The following OSCP1 variants were observed in gnomAD, a reference collection of about 807,000 sequenced individuals.
OSCP1 encodes the protein organic solute carrier partner 1, also known as protein OSCP1.
In OSCP1, 35 loss-of-function variants were observed where a neutral mutation model predicts 45.1. The observed-to-expected ratio is 0.78, with a 90% CI of 0.59 to 1.03. The LOEUF (loss-of-function observed/expected upper bound fraction) is 1.03. Among genes scored for constraint, OSCP1 ranks in the 50% least tolerant of loss-of-function variants. OSCP1 has a pLI of 0.00. For missense variants in OSCP1, 400 were observed against 470.7 expected, an observed-to-expected ratio of 0.85 and a Z score of 1.39; for synonymous variants, 179 against 180.1, an observed-to-expected ratio of 0.99 and a Z score of 0.05.
intron 4 of OSCP1, among the ~76,000 whole-genome samples, chr1:36,427,924 G>A (rs868054270): frequency 1.6e-3 from 240 of 151,930 alleles, no homozygotes; most frequent in African/African-American, 5.0e-3. Flanking sequence ...GCTGTGGCTC[G>A]CGCCTATAAT....
At chr1:36,441,229 T>C (rs545032165) in intron 1 of OSCP1, among the ~76,000 whole-genome samples, 2 of 152,272 alleles carry the variant, frequency 1.3e-5, no homozygotes, top group East Asian at 1.9e-4. Context: ...CCACGACACC[T>C]AGGGCTCCCT....
intron 2 of OSCP1, 136 bp downstream of exon 2, chr1:36,438,617 TCAA>T (rs1648914876): frequency 9.8e-7 from 1 of 1,017,322 alleles, no homozygotes; most frequent in Non-Finnish European, 1.4e-6. Flanking sequence ...ACTCTGAAAC[TCAA>T]CAACTACTAG....
intron 7 of OSCP1, among the ~76,000 whole-genome samples, chr1:36,420,873 T>C (rs1647577565): frequency 6.6e-6 from 1 of 152,104 alleles, no homozygotes; most frequent in Non-Finnish European, 1.5e-5. Context: ...GATCCACGTT[T>C]CTCCTCTCAC....
intron 1 of OSCP1, among the ~76,000 whole-genome samples, chr1:36,443,694 C>T (rs1649335550): frequency 6.6e-6 from 1 of 152,172 alleles, no homozygotes; most frequent in Admixed American, 6.5e-5. Context: ...GGATGACATA[C>T]CCCAAAGTAT....
intron 1 of OSCP1, chr1:36,444,044 C>T: frequency 1.9e-6 from 3 of 1,612,700 alleles, no homozygotes; most frequent in Non-Finnish European, 2.5e-6. Context: ...CTACATGAAG[C>T]ATACAAAAAG....
intron 3 of OSCP1, 22 bp from the exon 4 acceptor site, chr1:36,431,904 C>T (rs1648389501): frequency 5.6e-6 from 9 of 1,608,712 alleles, no homozygotes; most frequent in Non-Finnish European, 7.6e-6. Context: ...AAGCAGAAAG[C>T]AGCACTTCAC....
intron 1 of OSCP1, among the ~76,000 whole-genome samples, chr1:36,440,404 G>A (rs1451134171): frequency 6.6e-6 from 1 of 152,194 alleles, no homozygotes; most frequent in Non-Finnish European, 1.5e-5. Flanking sequence ...CACACCCCCG[G>A]TGACACAAAT....
Position 36,420,632 on chromosome 1 carries a change from A to G in OSCP1, c.820-17T>C. 1 of 1,612,526 alleles carries G rather than the reference A, an allele frequency of 6.2e-7. No individual in the cohort carries two copies. On this transcript the variant is annotated splice_polypyrimidine_tract_variant and intron_variant, in intron 7 of 9. Transcript: ENST00000235532. ...AATGCTTTCCTGCAGAAACAGTTGC[A>G]TGATTTTTAGCCACATGAAGGCAAT...
chr1:36,423,428 G>A lies in OSCP1; in HGVS notation c.555C>T (p.Asn185=), dbSNP rs369435790. 2.5e-5 allele frequency: 40 copies of A among 1,613,204 alleles called. 1 individual carries two copies. The highest frequency in any genetic ancestry group is 4.4e-5 in the South Asian group (4 of 90,898). ...CGGACACCGGCAACACAAAGCGACCGTTATTATTCTGAACTTTGTCCTTTA... is the reference window on the plus strand; with the variant it reads ...CGGACACCGGCAACACAAAGCGACCATTATTATTCTGAACTTTGTCCTTTA... ...MFLKDKVQNN[N]GRFVLPVSGP... Residue 185 remains asparagine (N), a synonymous_variant, in exon 5 of 10, where the codon AAC becomes AAT. Coordinates refer to ENST00000235532, the MANE Select transcript of OSCP1 (RefSeq NM_145047.5).
intron 2 of OSCP1, among the ~76,000 whole-genome samples, chr1:36,437,313 T>G (rs1344508468): frequency 6.6e-6 from 1 of 151,588 alleles, no homozygotes; most frequent in African/African-American, 2.4e-5. Context: ...GGTAGATATA[T>G]TCTTGAAGGA....
At position 36,432,553 on chromosome 1, in the gene OSCP1, C is replaced by T. The variant is rs781626400; in HGVS notation, c.304G>A (p.Val102Ile). Residue 102 changes from valine to isoleucine, a missense_variant, in exon 3 of 10, where the codon GTA (valine) becomes ATA (isoleucine). Val to Ile is a conservative substitution (Grantham distance 29, BLOSUM62 3). Coordinates refer to ENST00000235532, the MANE Select transcript of OSCP1 (RefSeq NM_145047.5). ...DLMTMAFKYQ[V>I]LLCPRPKDVL... Reference sequence around the variant, plus strand: ...TCCTTGGGTCGGGGACACAGCAATACTTGATATTTGAAAGCCATGGTCATC... The same window carrying T: ...TCCTTGGGTCGGGGACACAGCAATATTTGATATTTGAAAGCCATGGTCATC... 1.2e-6 allele frequency: 2 copies of T among 1,614,010 alleles called. No homozygotes were observed. The highest frequency in any genetic ancestry group is 1.7e-6 in the Non-Finnish European group (2 of 1,180,040).
At chr1:36,441,316 C>A (rs1454923210) in intron 1 of OSCP1, among the ~76,000 whole-genome samples, 1 of 152,160 alleles carries the variant, frequency 6.6e-6, no homozygotes, top group Non-Finnish European at 1.5e-5. Context: ...CTTCACCCAG[C>A]CCTTGGTTGA....
At chr1:36,444,376 C>T (rs1649378368) in intron 1 of OSCP1, among the ~76,000 whole-genome samples, 1 of 152,142 alleles carries the variant, frequency 6.6e-6, no homozygotes, top group Non-Finnish European at 1.5e-5. Context: ...CAGTAGTAGG[C>T]TTTTAAAGAC....
intron 2 of OSCP1, among the ~76,000 whole-genome samples, chr1:36,435,642 T>G (rs1648676418): frequency 6.6e-6 from 1 of 152,102 alleles, no homozygotes; most frequent in African/African-American, 2.4e-5. Flanking sequence ...CTTTTTTTTT[T>G]TTGTTTTGAG....
intron 1 of OSCP1, chr1:36,444,095 G>T (rs1649361815): frequency 6.5e-7 from 1 of 1,544,668 alleles, no homozygotes; most frequent in African/African-American, 1.4e-5. Context: ...TTTTCAAGGA[G>T]GCTTTAAACA....
In OSCP1 at chr1:36,428,381, C is replaced by T. The variant is rs1648124867; in HGVS notation, c.516+3421G>A. 3 of 1,614,098 alleles carry T rather than the reference C, an allele frequency of 1.9e-6. No individual in the cohort carries two copies. In the East Asian group the frequency reaches 6.7e-5, roughly 36 times the overall value. ...AGGGTATACATAATGGAAAGTCAGT[C>T]TCCTTCTCCTGTCCTCCATATAGTT... On this transcript the variant is annotated intron_variant, in intron 4 of 9. Transcript: ENST00000235532.
At chr1:36,424,789 T>C (rs1040183103) in intron 4 of OSCP1, among the ~76,000 whole-genome samples, 5 of 152,246 alleles carry the variant, frequency 3.3e-5, no homozygotes, top group African/African-American at 1.2e-4. Context: ...TTACTGGGTC[T>C]TGGCTTCCTT....
chr1:36,449,146 G>A (rs10493076), intron 1 of OSCP1, among the ~76,000 whole-genome samples: 15,659 of 152,188 alleles, frequency 0.1, 962 homozygotes, highest in East Asian at 0.29. Context: ...TGTTTTAATT[G>A]GCGGCCATGT....
intron 1 of OSCP1, among the ~76,000 whole-genome samples, chr1:36,439,273 C>A (rs550853955): frequency 1.3e-5 from 2 of 152,160 alleles, no homozygotes; most frequent in African/African-American, 2.4e-5. Context: ...ATAATCCCAG[C>A]GCTTTGGGAG....
Sources: gnomAD v4.1 joint callset for allele counts (sites outside exome capture counted in the v4.1 genomes callset) on GRCh38, gnomAD v4.1.1 for gene constraint, MANE v1.5 for transcripts, NCBI Gene and HGNC (gene_info 2026-07-23, HGNC 2026-07-21) for gene names.